Variants in CSMD1 observed in about 807,000 individuals in gnomAD.
CSMD1 encodes the protein CUB and sushi domain-containing protein 1.
CSMD1 carries 213 observed loss-of-function variants against 417.5 expected under a neutral mutation model. That is an observed-to-expected ratio of 0.51 (90% CI 0.46 to 0.57). The LOEUF is 0.57. Among genes scored for constraint, CSMD1 ranks in the 20% least tolerant of loss-of-function variants. The probability of loss-of-function intolerance (pLI) is 0.00; values close to 1 mark genes in which losing one functional copy is unlikely to be tolerated. For synonymous variants in CSMD1, 2,862 were observed against 1,736.8 expected (o/e 1.65, Z -16.11); for missense variants, 6,923 against 4,529.7 (o/e 1.53, Z -15.17).
intron 7 of CSMD1, among the ~76,000 whole-genome samples, chr8:3,630,282 A>C (rs1796713838): frequency 6.6e-6 from 1 of 152,184 alleles, no homozygotes; most frequent in African/African-American, 2.4e-5. Flanking sequence ...AATGACATTT[A>C]AGCTGAAATG....
At chr8:4,264,192 G>A (rs1037125273) in intron 3 of CSMD1, among the ~76,000 whole-genome samples, 16 of 152,190 alleles carry the variant, frequency 1.1e-4, no homozygotes, top group African/African-American at 3.6e-4. Flanking sequence ...TGGTGATGAT[G>A]ATGATTACCA....
chr8:4,323,303 C>A (rs1388867249), intron 3 of CSMD1, among the ~76,000 whole-genome samples: 1 of 152,124 alleles, frequency 6.6e-6, no homozygotes, highest in African/African-American at 2.4e-5. Flanking sequence ...TTCACACAGT[C>A]TTACTCTATA....
intron 8 of CSMD1, among the ~76,000 whole-genome samples, chr8:3,591,790 TGGAAA>T (rs1800858574): frequency 8.2e-6 from 1 of 121,248 alleles, no homozygotes; most frequent in Non-Finnish European, 2.0e-5. Context: ...GATGGATAGA[TGGAAA>T]GATGGAAAGA....
intron 1 of CSMD1, among the ~76,000 whole-genome samples, chr8:4,807,624 C>A (rs1269529233): frequency 6.6e-6 from 1 of 152,090 alleles, no homozygotes; most frequent in Admixed American, 6.6e-5. Flanking sequence ...CAGTAATAAT[C>A]CTAATACATA....
intron 37 of CSMD1, among the ~76,000 whole-genome samples, chr8:3,177,889 T>C (rs1054591376): frequency 1.5e-4 from 23 of 152,204 alleles, no homozygotes; most frequent in Non-Finnish European, 3.1e-4. Context: ...TCTGGATATG[T>C]ATTTTGTCTT....
At chr8:3,226,581 CA>C (rs35840582) in intron 27 of CSMD1, among the ~76,000 whole-genome samples, 6,733 of 67,618 alleles carry the variant, frequency 0.1, 226 homozygotes, top group African/African-American at 0.22. Context: ...GACTCTGTCT[CA>C]AAAAAAAAAA....
intron 1 of CSMD1, among the ~76,000 whole-genome samples, chr8:4,806,652 C>A (rs1315230789): frequency 6.6e-6 from 1 of 152,142 alleles, no homozygotes; most frequent in Non-Finnish European, 1.5e-5. Context: ...TGAAACCATA[C>A]AAAGAAAAGA....
chr8:4,123,399 A>G (rs1012802388), intron 3 of CSMD1, among the ~76,000 whole-genome samples: 4 of 152,206 alleles, frequency 2.6e-5, no homozygotes, highest in Non-Finnish European at 5.9e-5. Flanking sequence ...TGGGTGTGCC[A>G]CATATTTCAT....
chr8:4,734,311 G>T (rs293891), intron 1 of CSMD1, among the ~76,000 whole-genome samples: 1 of 152,084 alleles, frequency 6.6e-6, no homozygotes, highest in Non-Finnish European at 1.5e-5. Context: ...GCAAATTATT[G>T]TTTATGGATG....
intron 3 of CSMD1, among the ~76,000 whole-genome samples, chr8:4,139,948 G>A (rs575957411): frequency 1.4e-5 from 2 of 144,964 alleles, no homozygotes; most frequent in African/African-American, 2.5e-5. Context: ...GTGGATGGCA[G>A]CAAGGGCAGG....
intron 49 of CSMD1, among the ~76,000 whole-genome samples, chr8:3,080,853 G>A (rs912919557): frequency 1.3e-5 from 2 of 152,118 alleles, no homozygotes; most frequent in African/African-American, 4.8e-5. Flanking sequence ...ACTTTGGAGG[G>A]GGATGGCCCT....
intron 29 of CSMD1, among the ~76,000 whole-genome samples, chr8:3,215,972 G>T (rs1166914698): frequency 2.7e-5 from 4 of 149,856 alleles, no homozygotes; most frequent in Non-Finnish European, 4.4e-5. Context: ...ATTATATAAA[G>T]AATCTATTAT....
chr8:4,787,792 G>T, intron 1 of CSMD1: 5 of 1,573,278 alleles, frequency 3.2e-6, no homozygotes, highest in Non-Finnish European at 4.4e-6. Context: ...AGGCCAGACT[G>T]AATTGGATAT....
chr8:4,070,259 T>G (rs549706005), intron 3 of CSMD1, among the ~76,000 whole-genome samples: 7 of 152,334 alleles, frequency 4.6e-5, no homozygotes, highest in African/African-American at 1.7e-4. Context: ...AAACATGCAA[T>G]TCAAACTCTA....
intron 3 of CSMD1, among the ~76,000 whole-genome samples, chr8:4,286,026 G>A (rs930551751): frequency 6.6e-6 from 1 of 152,100 alleles, no homozygotes; most frequent in African/African-American, 2.4e-5. Flanking sequence ...AGCTCTCTCT[G>A]CCTTGGCTTA....
At chr8:4,941,683 C>T (rs943565512) in intron 1 of CSMD1, among the ~76,000 whole-genome samples, 4 of 151,946 alleles carry the variant, frequency 2.6e-5, no homozygotes, top group South Asian at 2.1e-4. Context: ...TCTGCAGCCT[C>T]GATCCCTCTA....
At chr8:3,966,826 A>C (rs926272077) in intron 5 of CSMD1, among the ~76,000 whole-genome samples, 5 of 152,154 alleles carry the variant, frequency 3.3e-5, no homozygotes, top group African/African-American at 1.2e-4. Flanking sequence ...TTTCTATTTT[A>C]ATCAATTCTG....
At chr8:3,480,906 C>T (rs1361201206) in intron 11 of CSMD1, among the ~76,000 whole-genome samples, 2 of 151,862 alleles carry the variant, frequency 1.3e-5, no homozygotes, top group Non-Finnish European at 2.9e-5. Context: ...CCTGTAATCC[C>T]AGCACTTTGG....
Position 3,498,451 on chromosome 8 carries a change from G to T in CSMD1, c.1345-4725C>A, listed in dbSNP as rs575887641. Among the ~76,000 whole-genome samples, 5 of 152,260 alleles carry T rather than the reference G, an allele frequency of 3.3e-5. No homozygotes were observed. The East Asian group carries it at 9.6e-4, about 29-fold the overall frequency. On this transcript the variant is annotated intron_variant, in intron 10 of 69. Coordinates refer to ENST00000635120, the MANE Select transcript of CSMD1 (RefSeq NM_033225.6). Reference sequence around the variant, plus strand: ...GAAGGAAGAATTGTCTTTGACTTTTGATAGTTTGATTATAATGCTCTTTGG... The same window carrying T: ...GAAGGAAGAATTGTCTTTGACTTTTTATAGTTTGATTATAATGCTCTTTGG...
Sources: gnomAD v4.1 joint callset for allele counts (sites outside exome capture counted in the v4.1 genomes callset) on GRCh38, gnomAD v4.1.1 for gene constraint, MANE v1.5 for transcripts, NCBI Gene and HGNC (gene_info 2026-07-23, HGNC 2026-07-21) for gene names.